DYNC2I1: variants seen among roughly 807,000 people sequenced by gnomAD.
DYNC2I1 encodes cytoplasmic dynein 2 intermediate chain 1.
A neutral mutation model predicts 133.4 loss-of-function variants in DYNC2I1; 89 were observed. That is an observed-to-expected ratio of 0.67 (90% CI 0.56 to 0.80). The LOEUF (loss-of-function observed/expected upper bound fraction) is 0.80, where lower values mean the gene tolerates loss of function less well. Among genes scored for constraint, DYNC2I1 ranks in the 30% least tolerant of loss-of-function variants. The probability of loss-of-function intolerance (pLI) is 0.00; values close to 1 mark genes in which losing one functional copy is unlikely to be tolerated. For synonymous variants in DYNC2I1, 504 were observed against 484.3 expected (o/e 1.04, Z -0.54); for missense variants, 1,291 against 1,314.5 (o/e 0.98, Z 0.28).
At chr7:158,917,184 G>A (rs1261135872) in intron 14 of DYNC2I1, among the ~76,000 whole-genome samples, 1 of 141,946 alleles carries the variant, frequency 7.0e-6, no homozygotes, top group Admixed American at 6.8e-5. Context: ...TTGACATTAA[G>A]GATGATTGTG....
intron 24 of DYNC2I1, among the ~76,000 whole-genome samples, chr7:158,942,444 C>T (rs1469030211): frequency 2.0e-5 from 3 of 152,130 alleles, no homozygotes; most frequent in East Asian, 1.9e-4. Flanking sequence ...ACCACCGAGT[C>T]GACGGCTTAC....
chr7:158,856,565 G>T lies in DYNC2I1; in HGVS notation c.-171G>T, dbSNP rs1841239929. The T allele has an allele frequency of 3.2e-6, 2 of 629,490 alleles. No individual in the cohort carries two copies. The highest frequency in any genetic ancestry group is 4.6e-6 in the Non-Finnish European group (2 of 439,518). 39.0% of individuals were successfully genotyped at this position (629,490 alleles called of 1,614,324 possible). A position where few individuals can be genotyped will look rare whatever the true frequency, so the allele number is the denominator to read the frequency against. The stretch of plus-strand genomic sequence containing the variant: ...GGGATGCGCAGGCGCACTGGGAGAG[G>T]CCGCAGGGCACGCTGGGCAGTGCTT... On this transcript the variant is annotated 5_prime_UTR_variant, in exon 1 of 25. Coordinates refer to ENST00000407559, the MANE Select transcript of DYNC2I1 (RefSeq NM_018051.5).
intron 7 of DYNC2I1, among the ~76,000 whole-genome samples, chr7:158,889,994 A>T (rs1845035508): frequency 7.8e-6 from 1 of 128,772 alleles, no homozygotes. Flanking sequence ...CCACGGAGTG[A>T]GACTCCTTCT....
In DYNC2I1 at chr7:158,928,682, G is replaced by A. The variant is rs148466032; in HGVS notation, c.2485+1639G>A. On this transcript the variant is annotated intron_variant, in intron 20 of 24. Coordinates refer to ENST00000407559, the MANE Select transcript of DYNC2I1 (RefSeq NM_018051.5). ...TCCAGGCTGCCCCTAGAATCCTGGA[G>A]TGTCAGAGCTAGGGAGCCTGGGCAG... Among the ~76,000 whole-genome samples, 87 of 152,266 alleles carry A rather than the reference G, an allele frequency of 5.7e-4. No individual in the cohort carries two copies. The East Asian group carries it at 0.011, about 20-fold the overall frequency.
At chr7:158,948,007 C>T (rs1266022592), downstream of DYNC2I1, among the ~76,000 whole-genome samples, 2 of 152,196 alleles carry the variant, frequency 1.3e-5, no homozygotes, top group Non-Finnish European at 2.9e-5. Flanking sequence ...AAAAGGCCAA[C>T]GATCTGCCCC....
chr7:158,934,413 C>T lies in DYNC2I1; in HGVS notation c.2647-5C>T. 3.7e-6 allele frequency: 6 copies of T among 1,604,490 alleles called. No homozygotes were observed. Among genetic ancestry groups the T allele is most frequent in the Non-Finnish European group, 5.1e-6 (6 of 1,175,572 alleles). On this transcript the variant is annotated splice_polypyrimidine_tract_variant and splice_region_variant and intron_variant, in intron 22 of 24. Coordinates refer to ENST00000407559, the MANE Select transcript of DYNC2I1 (RefSeq NM_018051.5). The stretch of plus-strand genomic sequence containing the variant: ...TTCAGTCACTCTTGGGCTTCTTCTT[C>T]ACAGGGTCTCATAAGCCATGGCACA...
At chr7:158,885,826 A>T (rs1844543512) in intron 6 of DYNC2I1, among the ~76,000 whole-genome samples, 10 of 152,174 alleles carry the variant, frequency 6.6e-5, no homozygotes. Context: ...GTCCACTAGA[A>T]GGCACAATAA....
chr7:158,905,202 A>G, intron 10 of DYNC2I1: 1 of 382,666 alleles, frequency 2.6e-6, no homozygotes, highest in Non-Finnish European at 5.0e-6. Flanking sequence ...GTACAGTGGC[A>G]TGATCTCGGC....
chr7:158,850,730 G>T, the DYNC2I1 span, among the ~76,000 whole-genome samples: 2 of 152,142 alleles, frequency 1.3e-5, no homozygotes, highest in African/African-American at 2.4e-5. Flanking sequence ...GAGAATTTCC[G>T]CTTGCTTTGG....
intron 10 of DYNC2I1, chr7:158,902,816 G>C (rs888191328): frequency 3.7e-6 from 2 of 539,308 alleles, no homozygotes; most frequent in Non-Finnish European, 3.3e-6. Context: ...GAAGTTGCAC[G>C]TCACTTTCTG....
Position 158,914,286 on chromosome 7 carries a change from C to G in DYNC2I1, c.1756C>G (p.Pro586Ala). ...TGTAGTTATGCCAAAGATTGATACT[C>G]CAAGGTTATGTAGCTTTCTGCGGGC... ...DAVVMPKIDT[P>A]RLCSFLRAAC... is the part of the protein sequence containing the mutation. Residue 586 changes from proline (P) to alanine (A), a missense_variant, in exon 14 of 25, where the codon CCA (proline) becomes GCA (alanine). Transcript: ENST00000407559. 2 of 1,612,806 alleles carry G rather than the reference C, an allele frequency of 1.2e-6. No individual in the cohort carries two copies. Among genetic ancestry groups the G allele is most frequent in the South Asian group, 1.1e-5 (1 of 90,790 alleles).
At chr7:158,890,111 G>A (rs7803188) in intron 7 of DYNC2I1, among the ~76,000 whole-genome samples, 8 of 151,306 alleles carry the variant, frequency 5.3e-5, no homozygotes, top group African/African-American at 1.9e-4. Flanking sequence ...GCCTCCTAAA[G>A]TACTGGGATT....
intron 7 of DYNC2I1, among the ~76,000 whole-genome samples, chr7:158,888,468 C>CAT (rs112738029): frequency 0.035 from 5,149 of 147,478 alleles, 92 homozygotes; most frequent in Middle Eastern, 0.064. Flanking sequence ...GCCATACATA[C>CAT]ATATATATAT....
chr7:158,886,629 G>C (rs1585037224), intron 6 of DYNC2I1, among the ~76,000 whole-genome samples: 2 of 151,966 alleles, frequency 1.3e-5, no homozygotes. Flanking sequence ...TTTGAGAAAG[G>C]GTCTTTCTCT....
intron 11 of DYNC2I1, among the ~76,000 whole-genome samples, chr7:158,906,794 CTT>C (rs1328364208): frequency 1.3e-5 from 2 of 152,196 alleles, no homozygotes; most frequent in Non-Finnish European, 2.9e-5. Flanking sequence ...TTTAAAATCT[CTT>C]ATCACCTAGC....
At chr7:158,843,812 A>G in the DYNC2I1 span, among the ~76,000 whole-genome samples, 539 of 152,304 alleles carry the variant, frequency 3.5e-3, 17 homozygotes, top group East Asian at 0.049. Flanking sequence ...AAAAAGAGAC[A>G]CAAGTTACAG....
intron 4 of DYNC2I1, among the ~76,000 whole-genome samples, chr7:158,952,839 TCTC>T (rs72021891): frequency 0.41 from 58,489 of 142,494 alleles, 13,970 homozygotes; most frequent in Non-Finnish European, 0.48. Flanking sequence ...CTGAGGGGAC[TCTC>T]CTCAGCACCC....
intron 14 of DYNC2I1, among the ~76,000 whole-genome samples, chr7:158,917,734 T>A (rs893265650): frequency 6.6e-6 from 1 of 151,934 alleles, no homozygotes; most frequent in African/African-American, 2.4e-5. Flanking sequence ...CCTCTGCCTC[T>A]CACTAAACAC....
At chr7:158,867,313 T>A (rs1305218578) in intron 1 of DYNC2I1, among the ~76,000 whole-genome samples, 1 of 152,118 alleles carries the variant, frequency 6.6e-6, no homozygotes, top group African/African-American at 2.4e-5. Flanking sequence ...TGTAGGGCTG[T>A]ACCCTGTGTT....
Sources: allele counts gnomAD v4.1 joint callset (sites outside exome capture counted in the v4.1 genomes callset), GRCh38; gene constraint gnomAD v4.1.1; transcripts MANE v1.5; gene names NCBI Gene and HGNC (gene_info 2026-07-23, HGNC 2026-07-21).